RGS7: variants seen among roughly 807,000 people sequenced by gnomAD.
The protein encoded by RGS7 is regulator of G-protein signaling 7.
In RGS7, 27 loss-of-function variants were observed where a neutral mutation model predicts 81.1. That is an observed-to-expected ratio of 0.33 (90% CI 0.25 to 0.46). The LOEUF (loss-of-function observed/expected upper bound fraction) is 0.46. RGS7 is among the 20% of genes least tolerant of loss of function. The pLI is 1.00. For synonymous variants in RGS7, 208 were observed against 207.7 expected (o/e 1.00, Z -0.01); for missense variants, 396 against 607.4 (o/e 0.65, Z 3.66).
rs2073869701 is a variant in RGS7 at position 241,206,189 on chromosome 1, AC to A, written c.79-107428del. On this transcript the variant is annotated intron_variant, in intron 2 of 18. Coordinates refer to ENST00000440928, the MANE Select transcript of RGS7 (RefSeq NM_001364886.1). ...AATTGGTTTTGCTGTTGCCATTCTTACCCAGTTACGATCCATTTGCCCCATG... is the reference window on the plus strand; with the variant it reads ...AATTGGTTTTGCTGTTGCCATTCTTACCAGTTACGATCCATTTGCCCCATG... Among the ~76,000 whole-genome samples the A allele has an allele frequency of 4.0e-5, 6 of 150,120 alleles. No homozygotes were observed. In the South Asian group the frequency reaches 1.0e-3, roughly 26 times the overall value.
intron 2 of RGS7, among the ~76,000 whole-genome samples, chr1:241,293,312 T>A (rs1249029743): frequency 6.6e-6 from 1 of 152,258 alleles, no homozygotes; most frequent in Non-Finnish European, 1.5e-5. Flanking sequence ...TGTTACTGGT[T>A]TATGTATTTA....
At chr1:240,791,001 T>C (rs1057436591) in intron 18 of RGS7, among the ~76,000 whole-genome samples, 1 of 152,226 alleles carries the variant, frequency 6.6e-6, no homozygotes, top group East Asian at 1.9e-4. Context: ...TTCTCCTTTG[T>C]AGTAACTGAG....
At chr1:240,957,319 C>A (rs368335740) in intron 4 of RGS7, among the ~76,000 whole-genome samples, 67 of 152,320 alleles carry the variant, frequency 4.4e-4, no homozygotes, top group African/African-American at 1.6e-3. Flanking sequence ...GCCAGGGGCT[C>A]TCAGGTCTTC....
At chr1:241,188,983 AT>A (rs1265430183) in intron 2 of RGS7, among the ~76,000 whole-genome samples, 2 of 151,180 alleles carry the variant, frequency 1.3e-5, no homozygotes, top group Non-Finnish European at 3.0e-5. Context: ...TCACTTTTGA[AT>A]TTTTTTTTGA....
At chr1:241,077,185 C>A (rs991431936) in intron 3 of RGS7, among the ~76,000 whole-genome samples, 2 of 151,898 alleles carry the variant, frequency 1.3e-5, no homozygotes, top group African/African-American at 4.8e-5. Context: ...AACAGCTAGC[C>A]CAAATATTCC....
chr1:240,883,067 G>T (rs922109290), intron 6 of RGS7, among the ~76,000 whole-genome samples: 1 of 151,440 alleles, frequency 6.6e-6, no homozygotes, highest in African/African-American at 2.4e-5. Flanking sequence ...CAAAGGACAT[G>T]AACTCATCAT....
At chr1:240,943,700 G>A (rs1305149020) in intron 4 of RGS7, among the ~76,000 whole-genome samples, 2 of 152,078 alleles carry the variant, frequency 1.3e-5, no homozygotes, top group African/African-American at 2.4e-5. Flanking sequence ...AAGAAATTAG[G>A]GACAAACTTA....
chr1:241,342,244 C>T (rs1425358158), intron 2 of RGS7, among the ~76,000 whole-genome samples: 2 of 151,962 alleles, frequency 1.3e-5, no homozygotes, highest in Non-Finnish European at 2.9e-5. Context: ...TGAGAAAGAG[C>T]GAATATCATA....
intron 6 of RGS7, among the ~76,000 whole-genome samples, chr1:240,902,212 A>C (rs1262752204): frequency 6.6e-6 from 1 of 152,234 alleles, no homozygotes; most frequent in Non-Finnish European, 1.5e-5. Context: ...ATATAGAAAA[A>C]TATGTTTTTG....
intron 4 of RGS7, among the ~76,000 whole-genome samples, chr1:240,952,951 A>T (rs1679805597): frequency 6.6e-6 from 1 of 151,972 alleles, no homozygotes; most frequent in Admixed American, 6.5e-5. Flanking sequence ...TTTATCAGGG[A>T]TAATGGAAAG....
chr1:240,970,463 C>T (rs1683021997), intron 4 of RGS7, among the ~76,000 whole-genome samples: 1 of 152,088 alleles, frequency 6.6e-6, no homozygotes, highest in African/African-American at 2.4e-5. Context: ...AACGCAACAC[C>T]AAAAACAAAT....
chr1:241,030,860 G>A (rs1039189642), intron 3 of RGS7, among the ~76,000 whole-genome samples: 1 of 152,144 alleles, frequency 6.6e-6, no homozygotes, highest in African/African-American at 2.4e-5. Flanking sequence ...CTGTGATCAG[G>A]CGATGGTAGG....
chr1:240,974,936 G>C (rs957206436), intron 4 of RGS7, among the ~76,000 whole-genome samples: 2 of 151,730 alleles, frequency 1.3e-5, no homozygotes, highest in African/African-American at 4.8e-5. Flanking sequence ...AAATTAATTT[G>C]CCCAATGCCT....
chr1:240,937,282 C>A (rs924797755), intron 4 of RGS7, among the ~76,000 whole-genome samples: 2 of 152,112 alleles, frequency 1.3e-5, no homozygotes, highest in Admixed American at 6.6e-5. Flanking sequence ...CGAGTGGCAC[C>A]CTTCTGCAGA....
chr1:241,125,284 TTA>T (rs2066571290), intron 2 of RGS7, among the ~76,000 whole-genome samples: 1 of 152,156 alleles, frequency 6.6e-6, no homozygotes, highest in East Asian at 1.9e-4. Flanking sequence ...TCTAAGCATT[TTA>T]TGAGGTTTCC....
At chr1:241,349,161 A>G (rs2083084944) in intron 2 of RGS7, among the ~76,000 whole-genome samples, 2 of 152,214 alleles carry the variant, frequency 1.3e-5, no homozygotes, top group Non-Finnish European at 2.9e-5. Context: ...TTATCACTTT[A>G]TAGATTAAAA....
chr1:240,881,245 A>G (rs1399060030), intron 6 of RGS7, among the ~76,000 whole-genome samples: 2 of 152,046 alleles, frequency 1.3e-5, no homozygotes, highest in East Asian at 1.9e-4. Context: ...AAACTATCGC[A>G]AGGTCAGAAA....
intron 9 of RGS7, among the ~76,000 whole-genome samples, chr1:240,838,770 A>T (rs955787911): frequency 6.3e-4 from 90 of 142,908 alleles, no homozygotes; most frequent in African/African-American, 1.3e-3. Context: ...ATTTTTTATT[A>T]TTTTTTTTTT....
At chr1:241,031,922 G>A (rs1013444191) in intron 3 of RGS7, among the ~76,000 whole-genome samples, 1 of 152,136 alleles carries the variant, frequency 6.6e-6, no homozygotes, top group African/African-American at 2.4e-5. Context: ...CTATTCTTCA[G>A]GCTGTCTGTT....
Sources: gnomAD v4.1 joint callset for allele counts (sites outside exome capture counted in the v4.1 genomes callset) on GRCh38, gnomAD v4.1.1 for gene constraint, MANE v1.5 for transcripts, NCBI Gene and HGNC (gene_info 2026-07-23, HGNC 2026-07-21) for gene names.